Variants in CCDC30 observed in about 807,000 individuals in gnomAD.
CCDC30 encodes coiled-coil domain-containing protein 30.
A neutral mutation model predicts 100.2 loss-of-function variants in CCDC30; 70 were observed. That is an observed-to-expected ratio of 0.70 (90% CI 0.58 to 0.85). CCDC30 has a LOEUF of 0.85. Ranked by LOEUF, CCDC30 falls within the 40% of genes least tolerant of loss-of-function variation. CCDC30 has a pLI of 0.00. For synonymous variants in CCDC30, 233 were observed against 269.5 expected, an observed-to-expected ratio of 0.86 and a Z score of 1.33; for missense variants, 652 against 771.2, an observed-to-expected ratio of 0.85 and a Z score of 1.83.
At chr1:42,632,163 T>C (rs2093859) in intron 11 of CCDC30, among the ~76,000 whole-genome samples, 64,642 of 151,892 alleles carry the variant, frequency 0.43, 14,019 homozygotes, top group South Asian at 0.48. Flanking sequence ...TTACTCAGGG[T>C]CCAAGGGCTC....
chr1:42,653,322 T>C, intron 15 of CCDC30, 54 bp from the exon 20 acceptor site: 1 of 1,031,608 alleles, frequency 9.7e-7, no homozygotes, highest in Non-Finnish European at 1.5e-6. Context: ...TAGGATCATA[T>C]AGCTAATGGT....
intron 6 of CCDC30, among the ~76,000 whole-genome samples, chr1:42,501,912 T>A (rs1239950882): frequency 2.0e-5 from 3 of 152,160 alleles, no homozygotes; most frequent in Non-Finnish European, 4.4e-5. Flanking sequence ...AGGGACCCAA[T>A]TGAGGAGGCA....
the CCDC30 span, chr1:42,457,262 T>A: frequency 6.2e-7 from 1 of 1,614,088 alleles, no homozygotes; most frequent in Non-Finnish European, 8.5e-7. Context: ...TCTGCGATGT[T>A]TTACCTGGCT....
chr1:42,551,666 T>A (rs891758215), intron 6 of CCDC30, among the ~76,000 whole-genome samples: 1 of 152,118 alleles, frequency 6.6e-6, no homozygotes. Flanking sequence ...GGTATTACTT[T>A]TAAAAATCTG....
chr1:42,588,114 T>G (rs1371228631), intron 9 of CCDC30, among the ~76,000 whole-genome samples: 1 of 152,206 alleles, frequency 6.6e-6, no homozygotes, highest in Non-Finnish European at 1.5e-5. Flanking sequence ...TGCTACGATC[T>G]GGTGAATTTT....
chr1:42,462,126 A>G (rs1256522325), upstream of CCDC30, among the ~76,000 whole-genome samples: 6 of 151,962 alleles, frequency 3.9e-5, no homozygotes, highest in African/African-American at 1.5e-4. Flanking sequence ...AAAAACAATC[A>G]GTGTTCTACA....
intron 3 of CCDC30, among the ~76,000 whole-genome samples, chr1:42,488,695 T>C (rs187217698): frequency 1.8e-4 from 27 of 152,352 alleles, no homozygotes; most frequent in Non-Finnish European, 3.5e-4. Context: ...TCTGATATTA[T>C]CTAAATTTGG....
upstream of CCDC30, among the ~76,000 whole-genome samples, chr1:42,461,364 C>G (rs1413972222): frequency 1.3e-5 from 2 of 152,140 alleles, no homozygotes; most frequent in African/African-American, 4.8e-5. Flanking sequence ...GAGACAAGGT[C>G]ATGCTTAGTC....
At chr1:42,458,694 G>C (rs543027052), upstream of CCDC30, among the ~76,000 whole-genome samples, 2 of 152,104 alleles carry the variant, frequency 1.3e-5, no homozygotes, top group Admixed American at 6.5e-5. Flanking sequence ...GTGATTTCAC[G>C]CTTTTTAATC....
intron 8 of CCDC30, among the ~76,000 whole-genome samples, chr1:42,579,938 C>CA (rs375950938): frequency 0.21 from 29,497 of 140,532 alleles, 3,178 homozygotes; most frequent in South Asian, 0.41. Context: ...CAGCACATCT[C>CA]AAAAAAAAAA....
At chr1:42,473,361 A>G (rs1211666222) in intron 1 of CCDC30, 2 of 976,864 alleles carry the variant, frequency 2.0e-6, no homozygotes, top group Non-Finnish European at 2.6e-6. Flanking sequence ...ATTGCCCTTC[A>G]TTAAATTGAC....
intron 11 of CCDC30, among the ~76,000 whole-genome samples, chr1:42,619,105 G>A (rs1234753828): frequency 1.3e-5 from 2 of 152,074 alleles, no homozygotes; most frequent in South Asian, 4.1e-4. Flanking sequence ...GTTGGATTGG[G>A]TACAACCCCA....
intron 4 of CCDC30, among the ~76,000 whole-genome samples, chr1:42,496,811 G>C (rs1644239640): frequency 6.6e-6 from 1 of 152,146 alleles, no homozygotes; most frequent in Non-Finnish European, 1.5e-5. Flanking sequence ...CTAGGTCCTA[G>C]AAGAACCTCT....
chr1:42,470,649 G>A lies in CCDC30; in HGVS notation c.-92+6751G>A, dbSNP rs115638868. ...AATCTTAAATGAAATTATGATTAGC[G>A]ATACAACATGGATGAATCTTGAAGA... On this transcript the variant is annotated intron_variant, in intron 1 of 16. Transcript: ENST00000668663. 7.9e-3 allele frequency among the ~76,000 whole-genome samples: 1,203 copies of A among 152,266 alleles called. 21 individuals carry two copies. Among genetic ancestry groups the A allele is most frequent in the African/African-American group, 0.027 (1,125 of 41,546 alleles).
intron 12 of CCDC30, among the ~76,000 whole-genome samples, chr1:42,639,052 T>A (rs1647225076): frequency 6.6e-6 from 1 of 152,204 alleles, no homozygotes; most frequent in African/African-American, 2.4e-5. Context: ...TCAACAGGCA[T>A]GCTAGCTTTC....
At chr1:42,508,641 A>G (rs72954334) in intron 6 of CCDC30, among the ~76,000 whole-genome samples, 2,176 of 152,236 alleles carry the variant, frequency 0.014, 50 homozygotes, top group African/African-American at 0.05. Context: ...CTGGGGTTTC[A>G]TGAGGGAAAC....
chr1:42,607,589 A>T (rs74068477), intron 10 of CCDC30, among the ~76,000 whole-genome samples: 3,036 of 151,818 alleles, frequency 0.02, 101 homozygotes, highest in African/African-American at 0.069. Flanking sequence ...GAAGGAAGAA[A>T]ATCATTGAGG....
intron 12 of CCDC30, among the ~76,000 whole-genome samples, chr1:42,641,123 T>A (rs991247126): frequency 5.9e-5 from 9 of 151,840 alleles, no homozygotes; most frequent in African/African-American, 2.2e-4. Flanking sequence ...CTTAAAAAAA[T>A]TTTTTTGAGA....
the CCDC30 span, chr1:42,456,300 A>C: frequency 3.4e-6 from 2 of 594,098 alleles, no homozygotes; most frequent in African/African-American, 3.8e-5. Context: ...CCAGTTCTTC[A>C]CCCAGGCTAG....
Sources: allele counts gnomAD v4.1 joint callset (sites outside exome capture counted in the v4.1 genomes callset), GRCh38; gene constraint gnomAD v4.1.1; transcripts MANE v1.5; gene names NCBI Gene and HGNC (gene_info 2026-07-23, HGNC 2026-07-21).